Variants in AFG1L observed in about 807,000 individuals in gnomAD.
AFG1L encodes AFG1-like ATPase.
In AFG1L, 53 loss-of-function variants were observed where a neutral mutation model predicts 62.2. The observed-to-expected ratio is 0.85, with a 90% CI of 0.68 to 1.07. The LOEUF is 1.07. Ranked by LOEUF, AFG1L falls within the 50% of genes least tolerant of loss-of-function variation. The probability of loss-of-function intolerance (pLI) is 0.00; values close to 1 mark genes in which losing one functional copy is unlikely to be tolerated. For synonymous variants in AFG1L, 228 were observed against 210.3 expected, an observed-to-expected ratio of 1.08 and a Z score of -0.73; for missense variants, 555 against 590.5, an observed-to-expected ratio of 0.94 and a Z score of 0.62.
chr6:108,434,461 T>A (rs1437212466), intron 7 of AFG1L, among the ~76,000 whole-genome samples: 1 of 152,246 alleles, frequency 6.6e-6, no homozygotes, highest in African/African-American at 2.4e-5. Flanking sequence ...TCTTTCTTCC[T>A]CATTCTTTAC....
intron 6 of AFG1L, among the ~76,000 whole-genome samples, chr6:108,377,895 G>A (rs934661394): frequency 1.3e-5 from 2 of 148,564 alleles, no homozygotes; most frequent in African/African-American, 5.0e-5. Flanking sequence ...TTGAATTATT[G>A]CCTCAAATAT....
chr6:108,407,542 A>G (rs1781911443), intron 7 of AFG1L, among the ~76,000 whole-genome samples: 1 of 152,032 alleles, frequency 6.6e-6, no homozygotes, highest in African/African-American at 2.4e-5. Flanking sequence ...TAAATTAGCT[A>G]GGCATTGCGG....
intron 1 of AFG1L, among the ~76,000 whole-genome samples, chr6:108,308,120 T>C (rs1002567109): frequency 6.6e-6 from 1 of 152,216 alleles, no homozygotes; most frequent in Non-Finnish European, 1.5e-5. Flanking sequence ...TTATCTCTTA[T>C]CTTATAAGTG....
intron 10 of AFG1L, among the ~76,000 whole-genome samples, chr6:108,504,568 G>C (rs1310582369): frequency 1.3e-5 from 2 of 152,178 alleles, no homozygotes; most frequent in Non-Finnish European, 2.9e-5. Flanking sequence ...GAAAAAGTGT[G>C]ACATATTGTG....
intron 8 of AFG1L, among the ~76,000 whole-genome samples, chr6:108,459,134 A>G (rs762693289): frequency 6.6e-6 from 1 of 152,044 alleles, no homozygotes; most frequent in African/African-American, 2.4e-5. Context: ...GTCCTCTCCC[A>G]CCTGCCCGTT....
chr6:108,366,214 A>C lies in AFG1L; in HGVS notation c.649-19A>C, dbSNP rs1175444061. 7.4e-6 allele frequency: 11 copies of C among 1,483,896 alleles called. No homozygotes were observed. The highest frequency in any genetic ancestry group is 9.4e-6 in the Non-Finnish European group (10 of 1,068,544). 91.9% of individuals were successfully genotyped at this position (1,483,896 alleles called of 1,614,324 possible). A position where few individuals can be genotyped will look rare whatever the true frequency, so the allele number is the denominator to read the frequency against. On this transcript the variant is annotated intron_variant, in intron 5 of 12. Transcript: ENST00000368977. ...GCAGAAGTGAAATTAAAATAAAACA[A>C]ATGTGTTGTTGTCAATAGGTCACTG... is the stretch of plus-strand genomic sequence containing the variant.
intron 2 of AFG1L, among the ~76,000 whole-genome samples, chr6:108,341,375 G>A (rs1778676047): frequency 6.6e-6 from 1 of 152,136 alleles, no homozygotes; most frequent in African/African-American, 2.4e-5. Flanking sequence ...TCTTTGAGAG[G>A]GATGTGTCAA....
At chr6:108,384,798 T>C (rs1780694518) in intron 6 of AFG1L, among the ~76,000 whole-genome samples, 1 of 145,534 alleles carries the variant, frequency 6.9e-6, no homozygotes, top group Admixed American at 6.7e-5. Flanking sequence ...TATAATATCT[T>C]ATATAAAAAT....
intron 1 of AFG1L, among the ~76,000 whole-genome samples, chr6:108,298,624 A>G (rs957523639): frequency 7.9e-5 from 12 of 151,972 alleles, no homozygotes; most frequent in African/African-American, 2.9e-4. Context: ...TTATTGGTTT[A>G]TGGTCTCTGA....
At chr6:108,462,401 C>T (rs1387099052) in intron 8 of AFG1L, among the ~76,000 whole-genome samples, 1 of 151,386 alleles carries the variant, frequency 6.6e-6, no homozygotes, top group Non-Finnish European at 1.5e-5. Context: ...GAGACCTTGT[C>T]TCAAAAAACA....
At chr6:108,419,334 T>G (rs1770483209) in intron 7 of AFG1L, among the ~76,000 whole-genome samples, 1 of 152,194 alleles carries the variant, frequency 6.6e-6, no homozygotes, top group African/African-American at 2.4e-5. Flanking sequence ...GCTATCTTCT[T>G]TCTTAACTTT....
intron 11 of AFG1L, among the ~76,000 whole-genome samples, chr6:108,513,832 C>T (rs966816529): frequency 3.3e-5 from 5 of 152,230 alleles, no homozygotes; most frequent in Admixed American, 3.3e-4. Context: ...GGGTCCCTGA[C>T]CCCCAAGTAG....
chr6:108,336,247 C>G (rs1255878624), intron 2 of AFG1L, among the ~76,000 whole-genome samples: 1 of 152,124 alleles, frequency 6.6e-6, no homozygotes, highest in Non-Finnish European at 1.5e-5. Context: ...GTTTCTGATT[C>G]TATCATTTTG....
chr6:108,369,948 C>CTATCTATA (rs1779929451), intron 6 of AFG1L, among the ~76,000 whole-genome samples: 5 of 141,580 alleles, frequency 3.5e-5, no homozygotes, highest in Admixed American at 7.0e-5. Flanking sequence ...GGCTGGCTGG[C>CTATCTATA]TATCTATCTA....
At chr6:108,326,122 T>C (rs1358586959) in intron 2 of AFG1L, among the ~76,000 whole-genome samples, 1 of 152,072 alleles carries the variant, frequency 6.6e-6, no homozygotes, top group African/African-American at 2.4e-5. Context: ...CCAGGTGGGG[T>C]GCAGTAGCAC....
intron 2 of AFG1L, among the ~76,000 whole-genome samples, chr6:108,327,729 G>C (rs1778109126): frequency 6.6e-6 from 1 of 152,164 alleles, no homozygotes; most frequent in Non-Finnish European, 1.5e-5. Flanking sequence ...CACTTATTTT[G>C]TTGTTCCTTT....
At chr6:108,497,587 A>G (rs1774022911) in intron 10 of AFG1L, among the ~76,000 whole-genome samples, 1 of 151,994 alleles carries the variant, frequency 6.6e-6, no homozygotes, top group African/African-American at 2.4e-5. Context: ...AAATTTACCA[A>G]CTTTTTCCTT....
intron 10 of AFG1L, among the ~76,000 whole-genome samples, chr6:108,508,893 A>G (rs1774526917): frequency 6.6e-6 from 1 of 152,106 alleles, no homozygotes. Flanking sequence ...GACAGGGAGG[A>G]ATATTGATGG....
intron 8 of AFG1L, among the ~76,000 whole-genome samples, chr6:108,459,029 C>A (rs1772357489): frequency 6.6e-6 from 1 of 152,120 alleles, no homozygotes; most frequent in Non-Finnish European, 1.5e-5. Context: ...ACCTGATACC[C>A]TATGCTTTAG....
Sources: allele counts gnomAD v4.1 joint callset (sites outside exome capture counted in the v4.1 genomes callset), GRCh38; gene constraint gnomAD v4.1.1; transcripts MANE v1.5; gene names NCBI Gene and HGNC (gene_info 2026-07-23, HGNC 2026-07-21).